CSGALNACT2: variants seen among roughly 807,000 people sequenced by gnomAD.
CSGALNACT2 encodes chondroitin sulfate N-acetylgalactosaminyltransferase 2, also known as beta 4 GalNAcT-2.
Under a neutral mutation model 55.3 loss-of-function variants are expected in CSGALNACT2, and 35 were observed. The ratio of observed to expected loss-of-function variants is 0.63; its 90% CI spans 0.48 to 0.84. CSGALNACT2 has a LOEUF of 0.84. Ranked by LOEUF, CSGALNACT2 falls within the 40% of genes least tolerant of loss-of-function variation. The pLI, the probability that CSGALNACT2 is intolerant of heterozygous loss-of-function variation, is 0.00. For missense variants in CSGALNACT2, 544 were observed against 657.5 expected (o/e 0.83, Z 1.89); for synonymous variants, 196 against 224.9 (o/e 0.87, Z 1.15).
intron 1 of CSGALNACT2, among the ~76,000 whole-genome samples, chr10:43,150,136 T>C (rs1838845032): frequency 6.6e-6 from 1 of 152,224 alleles, no homozygotes; most frequent in Non-Finnish European, 1.5e-5. Context: ...TGGCCTGGAC[T>C]TTTCATTGTG....
Position 43,163,240 on chromosome 10 carries a change from T to G in CSGALNACT2, c.981-626T>G, listed in dbSNP as rs927013630. On this transcript the variant is annotated intron_variant, in intron 4 of 7. Coordinates refer to ENST00000374466, the MANE Select transcript of CSGALNACT2 (RefSeq NM_018590.5). ...TGAGCGATGTATTTTTCAGAACTGC[T>G]GTTCATTCATTCATTCAGCAAATAT... The G allele has an allele frequency of 1.1e-5, 11 of 980,636 alleles. No individual in the cohort carries two copies. The African/African-American group carries it at 1.9e-4, about 17-fold the overall frequency. 60.7% of individuals were successfully genotyped at this position (980,636 alleles called of 1,614,324 possible).
At chr10:43,164,845 CAAA>C (rs762322937) in intron 5 of CSGALNACT2, among the ~76,000 whole-genome samples, 4 of 68,468 alleles carry the variant, frequency 5.8e-5, no homozygotes, top group Middle Eastern at 0.01. Flanking sequence ...GACTCCATCT[CAAA>C]AAAAAAAAAA....
At chr10:43,179,970 C>T (rs7903283) in intron 7 of CSGALNACT2, among the ~76,000 whole-genome samples, 27,619 of 152,148 alleles carry the variant, frequency 0.18, 2,696 homozygotes, top group Admixed American at 0.25. Context: ...TATGGACTTC[C>T]TCTCCCCCGG....
chr10:43,155,842 G>A, intron 2 of CSGALNACT2, 32 bp downstream of exon 2: 1 of 1,545,400 alleles, frequency 6.5e-7, no homozygotes, highest in Non-Finnish European at 8.8e-7. Context: ...TCAATATTAT[G>A]TTAGTAAGAC....
chr10:43,164,442 T>C (rs951845872), intron 5 of CSGALNACT2, among the ~76,000 whole-genome samples: 1 of 152,240 alleles, frequency 6.6e-6, no homozygotes, highest in African/African-American at 2.4e-5. Context: ...CCCCCATGCA[T>C]GTGTGCACAC....
rs140720957 is a variant in CSGALNACT2, at chr10:43,143,455, A to G, written c.-254+4888A>G. ...AGTGGAATTGTGAATTGCTGGATTA[A>G]ACGGCCTGTGCATTTAAATCAAGTT... On this transcript the variant is annotated intron_variant, in intron 1 of 7. Coordinates refer to ENST00000374466, the MANE Select transcript of CSGALNACT2 (RefSeq NM_018590.5). Among the ~76,000 whole-genome samples the G allele has an allele frequency of 1.0e-3, 155 of 151,694 alleles. 1 individual carries two copies. Among genetic ancestry groups the G allele is most frequent in the Non-Finnish European group, 1.6e-3 (111 of 67,922 alleles).
At position 43,158,785 on chromosome 10, in the gene CSGALNACT2, A is replaced by G. The variant is rs762979890; in HGVS notation, c.732A>G (p.Glu244=). The change falls in exon 3 of 8, where the codon GAA becomes GAG. Residue 244 remains glutamate, a synonymous_variant. Transcript: ENST00000374466. The part of the protein sequence containing the change: ...ELFFKKADLT[E]YRHVTLFRPF... ...TTTTTAAGAAAGCAGACCTTACGGA[A>G]TATAGACATGTGACCCTCTTCCGCC... is the stretch of plus-strand genomic sequence containing the variant. The G allele has an allele frequency of 3.1e-6, 5 of 1,612,602 alleles. No individual in the cohort carries two copies. In the East Asian group the frequency reaches 6.7e-5, roughly 22 times the overall value.
At chr10:43,147,782 C>CTT (rs372639057) in intron 1 of CSGALNACT2, among the ~76,000 whole-genome samples, 251 of 108,044 alleles carry the variant, frequency 2.3e-3, no homozygotes, top group Non-Finnish European at 2.5e-3. Context: ...GTCGAGTTAT[C>CTT]TTTTTTTTTT....
rs2133110802 is a variant in CSGALNACT2, at chr10:43,155,163, G to A, written c.14G>A (p.Gly5Glu). The A allele has an allele frequency of 6.2e-7, 1 of 1,613,534 alleles. No homozygotes were observed. Among genetic ancestry groups the A allele is most frequent in the East Asian group, 2.2e-5 (1 of 44,886 alleles). The change falls in exon 2 of 8, where the codon GGA becomes GAA. Residue 5 changes from glycine to glutamate, a missense_variant. Physicochemically the swap from Gly to Glu is moderately conservative, Grantham distance 98. Coordinates refer to ENST00000374466, the MANE Select transcript of CSGALNACT2 (RefSeq NM_018590.5). Reference protein sequence around the residue: MPRRGLILHTRTHWL... With the variant: MPRRELILHTRTHWL... ...ACATTAATAAGAATGCCTAGAAGAG[G>A]ACTGATTCTTCACACCCGGACCCAC...
chr10:43,160,840 T>C (rs1406905818), intron 4 of CSGALNACT2, among the ~76,000 whole-genome samples: 1 of 152,222 alleles, frequency 6.6e-6, no homozygotes, highest in Non-Finnish European at 1.5e-5. Flanking sequence ...TTCTGTGTAT[T>C]TGCTGCTGCT....
chr10:43,163,087 C>T, intron 4 of CSGALNACT2: 1 of 985,328 alleles, frequency 1.0e-6, no homozygotes, highest in African/African-American at 1.7e-5. Flanking sequence ...ATGCTTTCTA[C>T]ATTCTTACCT....
chr10:43,168,248 C>T (rs758507913), intron 6 of CSGALNACT2, among the ~76,000 whole-genome samples: 4 of 151,954 alleles, frequency 2.6e-5, no homozygotes, highest in Non-Finnish European at 4.4e-5. Context: ...GTCAGGAGTT[C>T]GAGACCAGCA....
intron 6 of CSGALNACT2, among the ~76,000 whole-genome samples, chr10:43,175,118 G>A (rs1211462275): frequency 3.9e-5 from 6 of 152,238 alleles, no homozygotes; most frequent in Admixed American, 3.9e-4. Context: ...AATGTTTTCT[G>A]TAGAGAGCCA....
At chr10:43,158,658 C>A in intron 2 of CSGALNACT2, 57 bp from the exon 3 acceptor site, 1 of 996,520 alleles carries the variant, frequency 1.0e-6, no homozygotes, top group Non-Finnish European at 1.6e-6. Context: ...TCTGTCTTCC[C>A]ATTGAATTTG....
chr10:43,169,684 A>G (rs2133141574), intron 6 of CSGALNACT2, among the ~76,000 whole-genome samples: 1 of 152,322 alleles, frequency 6.6e-6, no homozygotes, highest in East Asian at 1.9e-4. Context: ...GAGTGGAGGA[A>G]ATGGAAGAAA....
intron 1 of CSGALNACT2, among the ~76,000 whole-genome samples, chr10:43,154,564 A>G (rs1389605993): frequency 6.6e-6 from 1 of 152,108 alleles, no homozygotes; most frequent in Non-Finnish European, 1.5e-5. Flanking sequence ...TGTCTCTACT[A>G]AAAATACAAA....
At chr10:43,161,157 G>A (rs1839139479) in intron 4 of CSGALNACT2, among the ~76,000 whole-genome samples, 1 of 152,156 alleles carries the variant, frequency 6.6e-6, no homozygotes, top group African/African-American at 2.4e-5. Flanking sequence ...TAATCCCTTA[G>A]TACTTAATTA....
Position 43,184,273 on chromosome 10 carries a change from A to G in CSGALNACT2, c.*731A>G, listed in dbSNP as rs1170191909. Reference sequence around the variant, plus strand: ...AAACTATTTTGAACAAACAGAAAAGAACACGGAAACATTTTTAACAGAGCA... The same window carrying G: ...AAACTATTTTGAACAAACAGAAAAGGACACGGAAACATTTTTAACAGAGCA... On this transcript the variant is annotated 3_prime_UTR_variant, in exon 8 of 8. Coordinates refer to ENST00000374466, the MANE Select transcript of CSGALNACT2 (RefSeq NM_018590.5). 1 of 152,230 alleles carries G rather than the reference A, an allele frequency of 6.6e-6. No individual in the cohort carries two copies. The highest frequency in any genetic ancestry group is 6.5e-5 in the Admixed American group (1 of 15,290). The allele number at this position is 152,230 out of a possible 1,614,324, so 9.4% of individuals were successfully genotyped here.
rs1357402505 is a variant in CSGALNACT2 at position 43,162,313 on chromosome 10, C to T, written c.981-1553C>T. ...TTCTCCCAGCTCCAGTTGAGAAAAT[C>T]CCAGGGAAGGACATTTTGCCCACTC... On this transcript the variant is annotated intron_variant, in intron 4 of 7. Transcript: ENST00000374466. 1.8e-5 allele frequency: 13 copies of T among 741,762 alleles called. No homozygotes were observed. In the East Asian group the frequency reaches 6.8e-4, roughly 39 times the overall value. 45.9% of individuals were successfully genotyped at this position (741,762 alleles called of 1,614,324 possible). A position where few individuals can be genotyped will look rare whatever the true frequency, so the allele number is the denominator to read the frequency against.
Sources: gnomAD v4.1 joint callset for allele counts (sites outside exome capture counted in the v4.1 genomes callset) on GRCh38, gnomAD v4.1.1 for gene constraint, MANE v1.5 for transcripts, NCBI Gene and HGNC (gene_info 2026-07-23, HGNC 2026-07-21) for gene names.